The following LAMB4 variants were observed in gnomAD, a reference collection of about 807,000 sequenced individuals.
LAMB4 encodes the protein laminin subunit beta 4, also known as laminin subunit beta-4.
LAMB4 carries 196 observed loss-of-function variants against 199.2 expected under a neutral mutation model. That is an observed-to-expected ratio of 0.98 (90% CI 0.88 to 1.11). The LOEUF (loss-of-function observed/expected upper bound fraction) is 1.11. LAMB4 is among the 50% of genes least tolerant of loss of function. The pLI is 0.00. For synonymous variants in LAMB4, 744 were observed against 770.6 expected, an observed-to-expected ratio of 0.97 and a Z score of 0.57; for missense variants, 2,080 against 2,171.2, an observed-to-expected ratio of 0.96 and a Z score of 0.83.
chr7:108,102,945 G>T, intron 10 of LAMB4, 99 bp downstream of exon 10: 1 of 1,004,418 alleles, frequency 1.0e-6, no homozygotes, highest in Non-Finnish European at 1.4e-6. Flanking sequence ...GGGTAGTTTG[G>T]AGATGCCGTT....
At position 108,098,416 on chromosome 7, in the gene LAMB4, G is replaced by C; in HGVS notation, c.1347C>G (p.Pro449=). Residue 449 remains proline (P), a synonymous_variant, in exon 11 of 34, where the codon CCC becomes CCG. Coordinates refer to ENST00000388781, the MANE Select transcript of LAMB4 (RefSeq NM_007356.3). The part of the protein sequence containing the change: ...PNHYGLSATD[P]LGCQPCDCNP... Reference sequence around the variant, plus strand: ...TTATGGACTTACGCTGGCAGCCCAGGGGGTCGGTGGCGCTTAGTCCGTAGT... The same window carrying C: ...TTATGGACTTACGCTGGCAGCCCAGCGGGTCGGTGGCGCTTAGTCCGTAGT... The C allele has an allele frequency of 6.6e-7, 1 of 1,525,108 alleles. No homozygotes were observed. The highest frequency in any genetic ancestry group is 8.8e-7 in the Non-Finnish European group (1 of 1,136,008). 94.5% of individuals were successfully genotyped at this position (1,525,108 alleles called of 1,614,324 possible). A position where few individuals can be genotyped will look rare whatever the true frequency, so the allele number is the denominator to read the frequency against.
At chr7:108,128,078 G>A (rs186613779) in intron 1 of LAMB4, among the ~76,000 whole-genome samples, 15 of 152,222 alleles carry the variant, frequency 9.9e-5, no homozygotes, top group South Asian at 2.1e-4. Context: ...TCGATACAGG[G>A]GATCGAGGTC....
At chr7:108,024,716 TCC>T (rs1181684923) in intron 33 of LAMB4, among the ~76,000 whole-genome samples, 2 of 151,800 alleles carry the variant, frequency 1.3e-5, no homozygotes, top group African/African-American at 4.8e-5. Context: ...GATCCATTGA[TCC>T]ATCCATCCAT....
intron 12 of LAMB4, among the ~76,000 whole-genome samples, chr7:108,093,135 C>T (rs867009518): frequency 2.6e-5 from 4 of 152,158 alleles, no homozygotes; most frequent in Admixed American, 6.5e-5. Flanking sequence ...TGCAGTGGTA[C>T]GATCTTGGCC....
intron 19 of LAMB4, 62 bp downstream of exon 19, chr7:108,067,954 G>A: frequency 6.2e-7 from 1 of 1,603,424 alleles, no homozygotes; most frequent in South Asian, 1.1e-5. Flanking sequence ...CCATGACTTT[G>A]CCTGCTGTCA....
chr7:108,081,362 G>A (rs2036932833), intron 14 of LAMB4, among the ~76,000 whole-genome samples: 1 of 152,114 alleles, frequency 6.6e-6, no homozygotes, highest in East Asian at 1.9e-4. Flanking sequence ...TGTCTCAAGG[G>A]GCAGGACAAC....
chr7:108,024,308 G>T, intron 33 of LAMB4, 130 bp from the exon 34 acceptor site: 1 of 474,668 alleles, frequency 2.1e-6, no homozygotes, highest in Non-Finnish European at 3.6e-6. Context: ...TGGATTCAAT[G>T]GATAAATCAT....
Position 108,076,967 on chromosome 7 carries a change from G to T in LAMB4, c.2101C>A (p.His701Asn), listed in dbSNP as rs778310925. 1 of 1,614,030 alleles carries T rather than the reference G, an allele frequency of 6.2e-7. No individual in the cohort carries two copies. Among genetic ancestry groups the T allele is most frequent in the East Asian group, 2.2e-5 (1 of 44,882 alleles). ...ACAGAGTCCACCAGGACATGTGAAT[G>T]AGCGTGGGACTCTCCTTGCAAAGGC... Reference protein sequence around the residue: ...SQPLQGESHAHSHVLVDSLGL... With the variant: ...SQPLQGESHANSHVLVDSLGL... Residue 701 changes from histidine (H) to asparagine (N), a missense_variant, in exon 17 of 34, where the codon CAT becomes AAT. By Grantham distance (68) the His-to-Asn change is moderately conservative. Transcript: ENST00000388781.
intron 21 of LAMB4, among the ~76,000 whole-genome samples, chr7:108,065,073 T>C (rs906109779): frequency 2.0e-5 from 3 of 151,990 alleles, no homozygotes; most frequent in Non-Finnish European, 4.4e-5. Flanking sequence ...GCCTAGCTAA[T>C]TTTTAAAATT....
At chr7:108,104,784 C>T (rs1188198526) in intron 8 of LAMB4, among the ~76,000 whole-genome samples, 165 bp from the exon 9 acceptor site, 1 of 152,132 alleles carries the variant, frequency 6.6e-6, no homozygotes. Flanking sequence ...ATTTTCTTAA[C>T]TAGCTTTAAA....
intron 28 of LAMB4, 67 bp downstream of exon 28, chr7:108,047,841 A>G: frequency 3.7e-6 from 5 of 1,335,088 alleles, no homozygotes; most frequent in Non-Finnish European, 5.4e-6. Context: ...TGGCAGTTTT[A>G]TAAATTTTAA....
At chr7:108,080,774 G>C (rs2036899454) in intron 14 of LAMB4, among the ~76,000 whole-genome samples, 1 of 151,686 alleles carries the variant, frequency 6.6e-6, no homozygotes, top group African/African-American at 2.4e-5. Flanking sequence ...TTAATAGACA[G>C]AGGTATATGT....
chr7:108,078,586 C>T (rs746199809), intron 15 of LAMB4, among the ~76,000 whole-genome samples: 16 of 152,192 alleles, frequency 1.1e-4, no homozygotes, highest in Non-Finnish European at 2.1e-4. Context: ...GCCTAATCCT[C>T]AACCCCCATT....
intron 29 of LAMB4, among the ~76,000 whole-genome samples, chr7:108,042,937 C>CTGTGTGTGTGTGTGTGTGTGTG (rs754739499): frequency 2.8e-5 from 4 of 140,392 alleles, no homozygotes; most frequent in Middle Eastern, 3.5e-3. Flanking sequence ...CTCTCAATCT[C>CTGTGTGTGTGTGTGTGTGTGTG]TGTGTGTGTG....
In LAMB4 at chr7:108,030,813, A is replaced by C; in HGVS notation, c.4985T>G (p.Leu1662Arg). The stretch of plus-strand genomic sequence containing the variant: ...AGTGGTAGAACTAATGACCTTCTCA[A>C]GACTCCCAGCCTGGTGTTGGGCAGA... ...AESAQHQAGS[L>R]EKEFVELKKQ... Residue 1662 changes from leucine to arginine, a missense_variant, in exon 32 of 34, where the codon CTT becomes CGT. Physicochemically the swap from Leu to Arg is moderately radical, Grantham distance 102. Transcript: ENST00000388781. 1 of 1,613,968 alleles carries C rather than the reference A, an allele frequency of 6.2e-7. No individual in the cohort carries two copies. The highest frequency in any genetic ancestry group is 8.5e-7 in the Non-Finnish European group (1 of 1,179,928).
intron 24 of LAMB4, among the ~76,000 whole-genome samples, chr7:108,056,393 G>T (rs997516416): frequency 1.3e-5 from 2 of 152,134 alleles, no homozygotes; most frequent in African/African-American, 4.8e-5. Flanking sequence ...AAGTCCCATG[G>T]TCACACTTCT....
intron 11 of LAMB4, among the ~76,000 whole-genome samples, chr7:108,097,013 C>T (rs1300652840): frequency 6.8e-6 from 1 of 146,934 alleles, no homozygotes; most frequent in Non-Finnish European, 1.5e-5. Flanking sequence ...AAATAATGTT[C>T]AGCCTGTTCT....
intron 23 of LAMB4, among the ~76,000 whole-genome samples, chr7:108,058,251 G>A (rs983600451): frequency 2.0e-5 from 3 of 152,230 alleles, no homozygotes; most frequent in Non-Finnish European, 2.9e-5. Context: ...CAACTGTTAT[G>A]GGAGTTCCTC....
chr7:108,128,000 C>T (rs1473096419), intron 1 of LAMB4, among the ~76,000 whole-genome samples: 1 of 152,124 alleles, frequency 6.6e-6, no homozygotes, highest in East Asian at 1.9e-4. Context: ...CCGGGAGTAG[C>T]CAACCTGAAG....
Sources: gnomAD v4.1 joint callset for allele counts (sites outside exome capture counted in the v4.1 genomes callset) on GRCh38, gnomAD v4.1.1 for gene constraint, MANE v1.5 for transcripts, NCBI Gene and HGNC (gene_info 2026-07-23, HGNC 2026-07-21) for gene names.